Variants in GRM7 observed in about 807,000 individuals in gnomAD.
GRM7 encodes metabotropic glutamate receptor 7.
Under a neutral mutation model 84.5 loss-of-function variants are expected in GRM7, and 35 were observed. That is an observed-to-expected ratio of 0.41 (90% confidence interval 0.32 to 0.55). The LOEUF is 0.55. Ranked by LOEUF, GRM7 falls within the 20% of genes least tolerant of loss-of-function variation. GRM7 has a pLI of 0.19. For synonymous variants in GRM7, 487 were observed against 455.1 expected, an observed-to-expected ratio of 1.07 and a Z score of -0.89; for missense variants, 1,003 against 1,194.6, an observed-to-expected ratio of 0.84 and a Z score of 2.36.
chr3:7,349,877 C>T (rs1693058126), intron 4 of GRM7, among the ~76,000 whole-genome samples: 1 of 152,084 alleles, frequency 6.6e-6, no homozygotes, highest in South Asian at 2.1e-4. Flanking sequence ...GATTCCTCCT[C>T]TTTTTTTTCT....
At chr3:7,402,218 G>C (rs1265752184) in intron 4 of GRM7, among the ~76,000 whole-genome samples, 1 of 152,172 alleles carries the variant, frequency 6.6e-6, no homozygotes, top group Non-Finnish European at 1.5e-5. Context: ...GGTTACCAAG[G>C]AAGAGAATCT....
At chr3:7,392,284 A>T (rs1204761417) in intron 4 of GRM7, among the ~76,000 whole-genome samples, 1 of 152,198 alleles carries the variant, frequency 6.6e-6, no homozygotes, top group Non-Finnish European at 1.5e-5. Flanking sequence ...CACACAGAAG[A>T]AACCTTGGCT....
At chr3:7,284,989 A>G (rs1045428201) in intron 2 of GRM7, among the ~76,000 whole-genome samples, 1 of 152,172 alleles carries the variant, frequency 6.6e-6, no homozygotes, top group Non-Finnish European at 1.5e-5. Flanking sequence ...GTTATTTAGA[A>G]CTTATATTAG....
chr3:7,330,390 G>A (rs1009803349), intron 4 of GRM7, among the ~76,000 whole-genome samples: 1 of 152,196 alleles, frequency 6.6e-6, no homozygotes, highest in East Asian at 1.9e-4. Context: ...TCAAGTCTTA[G>A]CCCTCTTCTC....
intron 2 of GRM7, among the ~76,000 whole-genome samples, chr3:7,147,278 G>A (rs1415723220): frequency 6.6e-6 from 1 of 152,176 alleles, no homozygotes; most frequent in Non-Finnish European, 1.5e-5. Context: ...GGGTTCAAAT[G>A]TTTGGCCAGC....
At chr3:7,376,662 C>A (rs768212715) in intron 4 of GRM7, among the ~76,000 whole-genome samples, 2 of 152,164 alleles carry the variant, frequency 1.3e-5, no homozygotes, top group African/African-American at 2.4e-5. Flanking sequence ...GAACCATGCT[C>A]TTTTGCTTAT....
chr3:7,353,255 T>G (rs982935502), intron 4 of GRM7, among the ~76,000 whole-genome samples: 4 of 152,096 alleles, frequency 2.6e-5, no homozygotes, highest in Non-Finnish European at 5.9e-5. Context: ...CGAATAGAAC[T>G]ACTTGATTTT....
chr3:7,355,229 G>C (rs1010485126), intron 4 of GRM7, among the ~76,000 whole-genome samples: 5 of 152,128 alleles, frequency 3.3e-5, no homozygotes, highest in African/African-American at 1.2e-4. Flanking sequence ...AAACAAGGAA[G>C]AGGCACAATG....
rs1702683036 is a variant in GRM7 at position 7,741,094 on chromosome 3, A to T, written c.*688A>T. ...ACCTATCTTTGGTATATGATAGGTT[A>T]CATAAAAGGAAGGTATTGGCTGAAC... On this transcript the variant is annotated 3_prime_UTR_variant, in exon 10 of 10. Transcript: ENST00000357716. 1 of 152,548 alleles carries T rather than the reference A, an allele frequency of 6.6e-6. No individual in the cohort carries two copies. Among genetic ancestry groups the T allele is most frequent in the Non-Finnish European group, 1.5e-5 (1 of 68,028 alleles). 9.4% of individuals were successfully genotyped at this position (152,548 alleles called of 1,614,324 possible). A position where few individuals can be genotyped will look rare whatever the true frequency, so the allele number is the denominator to read the frequency against.
chr3:7,045,443 T>A (rs1266758358), intron 1 of GRM7, among the ~76,000 whole-genome samples: 1 of 152,178 alleles, frequency 6.6e-6, no homozygotes, highest in Non-Finnish European at 1.5e-5. Context: ...GACCCTAAAG[T>A]ATTTTTAACT....
chr3:7,180,803 C>A (rs1206266964), intron 2 of GRM7, among the ~76,000 whole-genome samples: 1 of 152,180 alleles, frequency 6.6e-6, no homozygotes, highest in Non-Finnish European at 1.5e-5. Flanking sequence ...TAATTTGCTG[C>A]TAACACCTAC....
At chr3:7,736,006 T>C (rs990032586) in intron 9 of GRM7, among the ~76,000 whole-genome samples, 9 of 152,356 alleles carry the variant, frequency 5.9e-5, no homozygotes, top group Middle Eastern at 3.4e-3. Context: ...TACCTTAGTG[T>C]TGTCTGAGAG....
chr3:7,481,490 G>C (rs1699125776), intron 7 of GRM7, among the ~76,000 whole-genome samples: 1 of 152,202 alleles, frequency 6.6e-6, no homozygotes, highest in Admixed American at 6.5e-5. Context: ...AGATAAGCTT[G>C]AGTTGAATTC....
At chr3:6,915,249 A>G (rs1040316306) in intron 1 of GRM7, among the ~76,000 whole-genome samples, 6 of 152,280 alleles carry the variant, frequency 3.9e-5, no homozygotes, top group Admixed American at 6.5e-5. Flanking sequence ...TGAAAGTTTT[A>G]TTTTTACCCC....
chr3:6,953,798 A>G (rs1692897450), intron 1 of GRM7, among the ~76,000 whole-genome samples: 1 of 152,158 alleles, frequency 6.6e-6, no homozygotes, highest in Admixed American at 6.5e-5. Context: ...TACCTGTTGG[A>G]CTTCTTTGGG....
At chr3:7,280,729 G>A (rs972134702) in intron 2 of GRM7, among the ~76,000 whole-genome samples, 5 of 152,182 alleles carry the variant, frequency 3.3e-5, no homozygotes, top group African/African-American at 9.7e-5. Context: ...CTATACACGC[G>A]TGATCCTGTT....
At chr3:7,691,383 G>T in intron 9 of GRM7, 1 of 581,112 alleles carries the variant, frequency 1.7e-6, no homozygotes, top group Non-Finnish European at 2.5e-6. Flanking sequence ...CTTTTTCTCT[G>T]GTCAAGAAAA....
intron 7 of GRM7, among the ~76,000 whole-genome samples, chr3:7,556,558 C>A (rs188910979): frequency 3.3e-5 from 5 of 152,216 alleles, no homozygotes; most frequent in Admixed American, 6.5e-5. Context: ...TTGACTGATA[C>A]TTATTAGTTG....
At chr3:7,348,492 C>G (rs2125088151) in intron 4 of GRM7, among the ~76,000 whole-genome samples, 1 of 152,208 alleles carries the variant, frequency 6.6e-6, no homozygotes, top group African/African-American at 2.4e-5. Context: ...CATTTTCTCT[C>G]TCTTTTATTT....
Sources: gnomAD v4.1 joint callset for allele counts (sites outside exome capture counted in the v4.1 genomes callset) on GRCh38, gnomAD v4.1.1 for gene constraint, MANE v1.5 for transcripts, NCBI Gene and HGNC (gene_info 2026-07-23, HGNC 2026-07-21) for gene names.